Variants in DHX57 observed in about 807,000 individuals in gnomAD.
DHX57 encodes putative ATP-dependent RNA helicase DHX57.
Under a neutral mutation model 156.2 loss-of-function variants are expected in DHX57, and 105 were observed. That is an observed-to-expected ratio of 0.67 (90% CI 0.57 to 0.79). The LOEUF is 0.79. DHX57 is among the 30% of genes least tolerant of loss of function. The pLI is 0.00. For missense variants in DHX57, 1,847 were observed against 1,661.9 expected (o/e 1.11, Z -1.94); for synonymous variants, 704 against 595.6 (o/e 1.18, Z -2.65).
intron 21 of DHX57, 75 bp downstream of exon 21, chr2:38,813,746 T>A (rs992332742): frequency 1.7e-5 from 25 of 1,502,690 alleles, no homozygotes; most frequent in Non-Finnish European, 2.2e-5. Context: ...ATGATTAATA[T>A]GCACATCTTA....
intron 15 of DHX57, 109 bp from the exon 16 acceptor site, chr2:38,826,156 T>G: frequency 1.8e-6 from 2 of 1,142,602 alleles, no homozygotes; most frequent in Non-Finnish European, 2.4e-6. Context: ...AGGGACACAG[T>G]GCCCTGTATA....
chr2:38,799,206 A>G (rs1261754549), intron 23 of DHX57, among the ~76,000 whole-genome samples: 2 of 151,496 alleles, frequency 1.3e-5, no homozygotes, highest in Non-Finnish European at 2.9e-5. Flanking sequence ...TCTTAGTACT[A>G]AAAGTACAAA....
At chr2:38,859,162 T>C (rs1005855180) in intron 5 of DHX57, among the ~76,000 whole-genome samples, 2 of 152,214 alleles carry the variant, frequency 1.3e-5, no homozygotes, top group Middle Eastern at 3.2e-3. Flanking sequence ...GAACAAAATG[T>C]GGTATGTCCA....
chr2:38,871,552 C>G (rs985245422), intron 1 of DHX57, among the ~76,000 whole-genome samples: 1 of 152,096 alleles, frequency 6.6e-6, no homozygotes, highest in African/African-American at 2.4e-5. Flanking sequence ...TTATAAACAA[C>G]AGAAGTTTAT....
intron 5 of DHX57, among the ~76,000 whole-genome samples, chr2:38,859,123 C>T (rs1437749367): frequency 6.6e-6 from 1 of 152,164 alleles, no homozygotes; most frequent in African/African-American, 2.4e-5. Flanking sequence ...CGTAAAACAA[C>T]ACAAATATCT....
At chr2:38,859,964 A>T (rs1673104777) in intron 5 of DHX57, among the ~76,000 whole-genome samples, 1 of 151,926 alleles carries the variant, frequency 6.6e-6, no homozygotes, top group African/African-American at 2.4e-5. Flanking sequence ...GGAGTGCACA[A>T]CCATGGCTGA....
At chr2:38,822,466 G>A (rs1670873493) in intron 17 of DHX57, among the ~76,000 whole-genome samples, 1 of 147,536 alleles carries the variant, frequency 6.8e-6, no homozygotes. Context: ...CGCGATCTCG[G>A]CTCAGCAACC....
At chr2:38,826,879 C>A (rs1671113522) in intron 14 of DHX57, among the ~76,000 whole-genome samples, 190 bp from the exon 15 acceptor site, 1 of 152,130 alleles carries the variant, frequency 6.6e-6, no homozygotes, top group Non-Finnish European at 1.5e-5. Context: ...ACCTGTAATC[C>A]CAGCACTTTG....
chr2:38,808,618 T>C (rs1277948874), intron 21 of DHX57, among the ~76,000 whole-genome samples: 1 of 152,150 alleles, frequency 6.6e-6, no homozygotes, highest in East Asian at 1.9e-4. Flanking sequence ...TTTGTGTATA[T>C]ATGCAATTGT....
chr2:38,811,654 T>C (rs976408868), intron 21 of DHX57: 4 of 1,247,760 alleles, frequency 3.2e-6, no homozygotes, highest in Middle Eastern at 2.8e-4. Flanking sequence ...TTGCTGAACA[T>C]AGCATCTGGG....
intron 13 of DHX57, among the ~76,000 whole-genome samples, chr2:38,833,011 G>C (rs1671461708): frequency 6.8e-6 from 1 of 146,312 alleles, no homozygotes; most frequent in South Asian, 2.2e-4. Context: ...TTCTGAGACG[G>C]AGTTTTGCTG....
intron 6 of DHX57, chr2:38,856,689 A>G: frequency 2.8e-6 from 1 of 356,202 alleles, no homozygotes; most frequent in Non-Finnish European, 4.9e-6. Flanking sequence ...TTTTGTAGAG[A>G]CAGGACTTCA....
At chr2:38,810,543 G>A (rs558569783) in intron 21 of DHX57, 15 of 567,354 alleles carry the variant, frequency 2.6e-5, no homozygotes, top group African/African-American at 1.8e-5. Context: ...TGCCCTCCAC[G>A]TTCATGCTCA....
intron 19 of DHX57, among the ~76,000 whole-genome samples, chr2:38,818,303 G>C (rs1180703931): frequency 6.6e-6 from 1 of 152,144 alleles, no homozygotes; most frequent in African/African-American, 2.4e-5. Flanking sequence ...AAGGTGGGCG[G>C]ATCATGAGGT....
intron 21 of DHX57, among the ~76,000 whole-genome samples, chr2:38,809,456 G>GTT (rs1553322177): frequency 1.3e-3 from 149 of 110,990 alleles, no homozygotes; most frequent in African/African-American, 4.0e-3. Context: ...ATTTCTTTCT[G>GTT]TTTTTTTTTT....
At chr2:38,811,572 C>A in intron 21 of DHX57, 1 of 1,341,220 alleles carries the variant, frequency 7.5e-7, no homozygotes, top group Non-Finnish European at 1.1e-6. Flanking sequence ...AATGTCATAG[C>A]CTTGTTCCTT....
At position 38,823,221 on chromosome 2, in the gene DHX57, G is replaced by GA; in HGVS notation, c.3062dup (p.Ser1022LeufsTer5). ...TGTGTGGAGGTTCAATGAGCCGAGA[G>GA]AACACAGACTGGAGATTATGAGCAC... On this transcript the variant is annotated frameshift_variant, in exon 17 of 24. Transcript: ENST00000457308. LOFTEE classifies it high-confidence loss of function. 1 of 1,614,112 alleles carries GA rather than the reference G, an allele frequency of 6.2e-7. No individual in the cohort carries two copies. The highest frequency in any genetic ancestry group is 8.5e-7 in the Non-Finnish European group (1 of 1,180,030).
chr2:38,802,984 C>A (rs1358035355), intron 22 of DHX57, 69 bp from the exon 23 acceptor site: 2 of 1,569,284 alleles, frequency 1.3e-6, no homozygotes, highest in Admixed American at 3.4e-5. Flanking sequence ...CCCCCCAGTC[C>A]CACGGATTTA....
intron 14 of DHX57, among the ~76,000 whole-genome samples, chr2:38,827,635 T>TA (rs1221687356): frequency 1.3e-5 from 2 of 150,540 alleles, no homozygotes; most frequent in African/African-American, 4.9e-5. Context: ...ACTTCATTCT[T>TA]ACATTTTAAG....
Sources: gnomAD v4.1 joint callset for allele counts (sites outside exome capture counted in the v4.1 genomes callset) on GRCh38, gnomAD v4.1.1 for gene constraint, MANE v1.5 for transcripts, NCBI Gene and HGNC (gene_info 2026-07-23, HGNC 2026-07-21) for gene names.